Variants in PLXNA2 observed in about 807,000 individuals in gnomAD.
The protein encoded by PLXNA2 is plexin-A2.
A neutral mutation model predicts 193.5 loss-of-function variants in PLXNA2; 91 were observed. That is an observed-to-expected ratio of 0.47 (90% CI 0.40 to 0.56). The LOEUF (loss-of-function observed/expected upper bound fraction) is 0.56, where lower values mean the gene tolerates loss of function less well. Among genes scored for constraint, PLXNA2 ranks in the 20% least tolerant of loss-of-function variants. The pLI, the probability that PLXNA2 is intolerant of heterozygous loss-of-function variation, is 0.00. For synonymous variants in PLXNA2, 997 were observed against 1,027.3 expected (o/e 0.97, Z 0.56); for missense variants, 1,995 against 2,503.2 (o/e 0.80, Z 4.33).
At chr1:208,185,351 G>T (rs562031809) in intron 3 of PLXNA2, among the ~76,000 whole-genome samples, 21 of 152,262 alleles carry the variant, frequency 1.4e-4, no homozygotes, top group African/African-American at 4.6e-4. Flanking sequence ...TTCTCTAGAG[G>T]CCTCTCCTCG....
At chr1:208,029,743 T>G in intron 29 of PLXNA2, 6 of 985,642 alleles carry the variant, frequency 6.1e-6, no homozygotes, top group Non-Finnish European at 4.8e-6. Flanking sequence ...GACTTCCTTC[T>G]GCAACTCGGG....
At chr1:208,101,887 G>C (rs1035868154) in intron 5 of PLXNA2, among the ~76,000 whole-genome samples, 9 of 152,174 alleles carry the variant, frequency 5.9e-5, no homozygotes, top group Non-Finnish European at 8.8e-5. Context: ...CTGGCAGCAG[G>C]CTGTCAGGTT....
chr1:208,090,404 G>A (rs1426277223), intron 9 of PLXNA2, among the ~76,000 whole-genome samples: 1 of 152,050 alleles, frequency 6.6e-6, no homozygotes, highest in Non-Finnish European at 1.5e-5. Flanking sequence ...ATTTAATCCC[G>A]AGTTGCAGGG....
At chr1:208,180,830 C>T (rs1669819428) in intron 3 of PLXNA2, among the ~76,000 whole-genome samples, 1 of 152,162 alleles carries the variant, frequency 6.6e-6, no homozygotes, top group African/African-American at 2.4e-5. Context: ...GAAGATATCC[C>T]AGGAGGGGTA....
chr1:208,052,257 G>A (rs1665287975), intron 15 of PLXNA2, 70 bp downstream of exon 15: 4 of 1,500,456 alleles, frequency 2.7e-6, no homozygotes, highest in Admixed American at 3.4e-5. Flanking sequence ...GAATGAACAT[G>A]CACAGTAACA....
intron 3 of PLXNA2, among the ~76,000 whole-genome samples, chr1:208,179,054 G>T (rs1669755277): frequency 6.6e-6 from 1 of 152,232 alleles, no homozygotes; most frequent in Non-Finnish European, 1.5e-5. Flanking sequence ...ATCCCCACAA[G>T]CATGACAGCA....
intron 4 of PLXNA2, among the ~76,000 whole-genome samples, chr1:208,141,070 T>A (rs1244937929): frequency 2.0e-5 from 3 of 152,220 alleles, no homozygotes; most frequent in Admixed American, 2.0e-4. Flanking sequence ...TGTTTATACT[T>A]CAACGGCAGA....
chr1:208,221,242 T>G (rs924278608), intron 1 of PLXNA2, among the ~76,000 whole-genome samples: 1 of 152,202 alleles, frequency 6.6e-6, no homozygotes, highest in African/African-American at 2.4e-5. Flanking sequence ...AGTCAACCTA[T>G]AAGATTTCCT....
intron 3 of PLXNA2, among the ~76,000 whole-genome samples, chr1:208,165,947 A>C (rs1226209894): frequency 6.6e-6 from 1 of 152,132 alleles, no homozygotes; most frequent in Non-Finnish European, 1.5e-5. Flanking sequence ...CTAAGGTTTG[A>C]CTTCCTGCTA....
In PLXNA2 at chr1:208,045,992, T is replaced by C. The variant is rs1665050184; in HGVS notation, c.3381A>G (p.Gln1127=). 6.2e-7 allele frequency: 1 copy of C among 1,614,226 alleles called. No individual in the cohort carries two copies. The highest frequency in any genetic ancestry group is 8.5e-7 in the Non-Finnish European group (1 of 1,180,036). The part of the protein sequence containing the change: ...DEFGFVFNNV[Q]SLLIYNDTKF... ...TGGTGTCGTTGTAAATTAGCAAGGA[T>C]TGGACATTGTTAAAGACAAATCCAA... Residue 1127 remains glutamine, a synonymous_variant, in exon 18 of 32, where the codon CAA becomes CAG. Transcript: ENST00000367033.
At chr1:208,216,125 A>G (rs1353853894) in intron 2 of PLXNA2, among the ~76,000 whole-genome samples, 1 of 152,106 alleles carries the variant, frequency 6.6e-6, no homozygotes, top group East Asian at 1.9e-4. Context: ...TTTCTCTCAC[A>G]TACTCTGATC....
rs34577290 is a variant in PLXNA2 at position 208,026,652 on chromosome 1, C to CTT, written c.*589_*590dup. ...TCATCATTCTTCTTCTCCTCTTTCTCTTTTTTTTTTTTTTTTTAATTTCAA... is the reference window on the plus strand; with the variant it reads ...TCATCATTCTTCTTCTCCTCTTTCTCTTTTTTTTTTTTTTTTTTTAATTTCAA... On this transcript the variant is annotated 3_prime_UTR_variant, in exon 32 of 32. Transcript: ENST00000367033. 1,499 of 140,790 alleles carry CTT rather than the reference C, an allele frequency of 0.011. 12 individuals carry two copies. The highest frequency in any genetic ancestry group is 0.018 in the Admixed American group (254 of 14,152). 8.7% of individuals were successfully genotyped at this position (140,790 alleles called of 1,614,324 possible).
chr1:208,183,850 A>C (rs1274345158), intron 3 of PLXNA2, among the ~76,000 whole-genome samples: 1 of 152,140 alleles, frequency 6.6e-6, no homozygotes, highest in African/African-American at 2.4e-5. Flanking sequence ...GGTACCCTAG[A>C]CTTCTAAGTT....
At chr1:208,211,118 A>C (rs1163434924) in intron 2 of PLXNA2, among the ~76,000 whole-genome samples, 1 of 152,260 alleles carries the variant, frequency 6.6e-6, no homozygotes, top group African/African-American at 2.4e-5. Flanking sequence ...CCTATGCCTC[A>C]GTTTCTTCCT....
intron 4 of PLXNA2, among the ~76,000 whole-genome samples, chr1:208,133,625 C>A (rs1668223800): frequency 6.6e-6 from 1 of 152,236 alleles, no homozygotes; most frequent in South Asian, 2.1e-4. Context: ...ATATGCAAAT[C>A]TTTCCCTATT....
intron 8 of PLXNA2, among the ~76,000 whole-genome samples, chr1:208,093,796 T>C (rs1666788908): frequency 1.3e-5 from 2 of 152,362 alleles, no homozygotes; most frequent in Middle Eastern, 6.8e-3. Context: ...TATATTCTTT[T>C]GGCTCTCTGT....
In PLXNA2 at chr1:208,060,773, C is replaced by G; in HGVS notation, c.2651G>C (p.Gly884Ala). ...TRVTIHGVNL[G>A]LDFSEIAHHV... Reference sequence around the variant, plus strand: ...GTGGGCGATCTCGGAGAAGTCCAGACCCAGGTTCACGCCATGGATGGTCAC... The same window carrying G: ...GTGGGCGATCTCGGAGAAGTCCAGAGCCAGGTTCACGCCATGGATGGTCAC... The change falls in exon 13 of 32, where the codon GGT becomes GCT. Residue 884 changes from glycine to alanine, a missense_variant. By Grantham distance (60) the Gly-to-Ala change is moderately conservative. Around this residue, in one of 3 missense-constraint regions of PLXNA2, gnomAD observed 1,291 missense variants for 1,673.6 expected, o/e 0.77. Coordinates refer to ENST00000367033, the MANE Select transcript of PLXNA2 (RefSeq NM_025179.4). The G allele has an allele frequency of 6.2e-7, 1 of 1,614,104 alleles. No homozygotes were observed. The highest frequency in any genetic ancestry group is 2.2e-5 in the East Asian group (1 of 44,840).
intron 2 of PLXNA2, among the ~76,000 whole-genome samples, chr1:208,214,755 C>T (rs1315402070): frequency 6.6e-6 from 1 of 152,214 alleles, no homozygotes; most frequent in Non-Finnish European, 1.5e-5. Context: ...GTGCTAATCT[C>T]TCCATGTATT....
intron 4 of PLXNA2, among the ~76,000 whole-genome samples, chr1:208,104,270 G>A (rs559153192): frequency 9.9e-5 from 15 of 152,280 alleles, no homozygotes; most frequent in East Asian, 7.7e-4. Context: ...ACATCTCCAC[G>A]GCATCCTCCT....
Sources: allele counts gnomAD v4.1 joint callset (sites outside exome capture counted in the v4.1 genomes callset), GRCh38; gene constraint gnomAD v4.1.1; regional missense constraint gnomAD v4.1.1; transcripts MANE v1.5; gene names NCBI Gene and HGNC (gene_info 2026-07-23, HGNC 2026-07-21).